ZBBX: variants seen among roughly 807,000 people sequenced by gnomAD.
The protein encoded by ZBBX is zinc finger B-box domain containing.
Under a neutral mutation model 108.5 loss-of-function variants are expected in ZBBX, and 101 were observed. The observed-to-expected ratio is 0.93, with a 90% CI of 0.79 to 1.10. ZBBX has a LOEUF of 1.10. Ranked by LOEUF, ZBBX falls within the 50% of genes least tolerant of loss-of-function variation. The probability of loss-of-function intolerance (pLI) is 0.00; values close to 1 mark genes in which losing one functional copy is unlikely to be tolerated. For synonymous variants in ZBBX, 356 were observed against 323.4 expected (o/e 1.10, Z -1.08); for missense variants, 1,009 against 941.4 (o/e 1.07, Z -0.94).
intron 20 of ZBBX, among the ~76,000 whole-genome samples, chr3:167,249,199 G>A (rs568887272): frequency 4.7e-4 from 71 of 151,850 alleles, no homozygotes; most frequent in African/African-American, 1.7e-3. Flanking sequence ...CCTCAGGAAG[G>A]AACCATTCAT....
intron 20 of ZBBX, among the ~76,000 whole-genome samples, chr3:167,271,698 C>A (rs73169140): frequency 1.2e-4 from 19 of 152,146 alleles, no homozygotes; most frequent in Non-Finnish European, 2.1e-4. Context: ...GTAAAAAAAA[C>A]CCAACAAACA....
At chr3:167,339,277 G>A (rs1740124872) in intron 9 of ZBBX, among the ~76,000 whole-genome samples, 1 of 152,084 alleles carries the variant, frequency 6.6e-6, no homozygotes, top group South Asian at 2.1e-4. Flanking sequence ...AGTTCTGACT[G>A]TTTTAGGGAC....
At chr3:167,352,203 T>A (rs1290400742) in intron 8 of ZBBX, among the ~76,000 whole-genome samples, 2 of 151,586 alleles carry the variant, frequency 1.3e-5, no homozygotes, top group African/African-American at 4.9e-5. Flanking sequence ...AATGAAAAAT[T>A]GGGTCTTTGA....
intron 8 of ZBBX, among the ~76,000 whole-genome samples, chr3:167,353,002 C>G (rs575494470): frequency 6.6e-6 from 1 of 152,230 alleles, no homozygotes; most frequent in South Asian, 2.1e-4. Flanking sequence ...AGACAACAAA[C>G]CCCAGCCAAC....
At chr3:167,377,882 C>G (rs904058335) in intron 2 of ZBBX, among the ~76,000 whole-genome samples, 1 of 152,020 alleles carries the variant, frequency 6.6e-6, no homozygotes, top group African/African-American at 2.4e-5. Context: ...CCCATAATTC[C>G]CACATGTGGT....
chr3:167,298,654 T>A (rs549017884), intron 17 of ZBBX, among the ~76,000 whole-genome samples, 196 bp from the exon 18 acceptor site: 3 of 152,136 alleles, frequency 2.0e-5, no homozygotes, highest in African/African-American at 7.2e-5. Flanking sequence ...TTACAGTAAT[T>A]CTCTGAAAGT....
chr3:167,384,819 C>T (rs1443354132), upstream of ZBBX, among the ~76,000 whole-genome samples: 2 of 151,998 alleles, frequency 1.3e-5, no homozygotes, highest in African/African-American at 4.8e-5. Flanking sequence ...ATCTATTCTT[C>T]TCAGTGTTCT....
intron 16 of ZBBX, among the ~76,000 whole-genome samples, chr3:167,311,964 C>G (rs1006829246): frequency 6.6e-6 from 1 of 152,020 alleles, no homozygotes; most frequent in Non-Finnish European, 1.5e-5. Flanking sequence ...AACTTAAGTC[C>G]CAATAAAAAC....
intron 20 of ZBBX, among the ~76,000 whole-genome samples, chr3:167,243,303 CT>C (rs923855499): frequency 6.6e-6 from 1 of 152,216 alleles, no homozygotes; most frequent in Admixed American, 6.5e-5. Context: ...ACAATGCCTT[CT>C]TTTTTCACTG....
chr3:167,381,038 T>C (rs1747679123), upstream of ZBBX, among the ~76,000 whole-genome samples: 1 of 152,158 alleles, frequency 6.6e-6, no homozygotes, highest in African/African-American at 2.4e-5. Context: ...TGGTTGGTAC[T>C]GCACTGTATA....
chr3:167,259,097 G>A (rs1724014930), intron 20 of ZBBX, among the ~76,000 whole-genome samples: 1 of 106,590 alleles, frequency 9.4e-6, no homozygotes, highest in Non-Finnish European at 2.0e-5. Flanking sequence ...GAATCCGTCT[G>A]GTCATGGACC....
intron 17 of ZBBX, among the ~76,000 whole-genome samples, chr3:167,300,875 C>G (rs1732536417): frequency 6.6e-6 from 1 of 150,638 alleles, no homozygotes; most frequent in Non-Finnish European, 1.5e-5. Context: ...CTCAGCCTCC[C>G]AAAGTGCTGG....
Position 167,321,171 on chromosome 3 carries a change from T to C in ZBBX, c.983+946A>G, listed in dbSNP as rs73879666. Among the ~76,000 whole-genome samples, 620 of 152,160 alleles carry C rather than the reference T, an allele frequency of 4.1e-3. 7 individuals are homozygous for C. Among genetic ancestry groups the C allele is most frequent in the African/African-American group, 0.013 (541 of 41,538 alleles). On this transcript the variant is annotated intron_variant, in intron 12 of 21. Transcript: ENST00000675490. Reference sequence around the variant, plus strand: ...CTATTTTGAAACCCATCTGTATATCTTCTTTTCAAAATAATCCAAAAGAAA... The same window carrying C: ...CTATTTTGAAACCCATCTGTATATCCTCTTTTCAAAATAATCCAAAAGAAA...
intron 12 of ZBBX, among the ~76,000 whole-genome samples, chr3:167,319,054 T>C (rs972485955): frequency 9.9e-5 from 15 of 152,082 alleles, no homozygotes; most frequent in Non-Finnish European, 1.9e-4. Context: ...CAGTTTCTTA[T>C]AAAAATAAAC....
At chr3:167,322,645 T>C in intron 11 of ZBBX, among the ~76,000 whole-genome samples, 1 of 152,108 alleles carries the variant, frequency 6.6e-6, no homozygotes, top group Middle Eastern at 3.2e-3. Context: ...TAATTCATAA[T>C]GACATCTGGA....
At chr3:167,325,952 G>A (rs1737305569) in intron 11 of ZBBX, among the ~76,000 whole-genome samples, 1 of 152,134 alleles carries the variant, frequency 6.6e-6, no homozygotes. Flanking sequence ...CTACCAGTGA[G>A]AGTACAACCA....
chr3:167,260,000 T>C (rs1724193726), intron 20 of ZBBX, among the ~76,000 whole-genome samples: 1 of 152,228 alleles, frequency 6.6e-6, no homozygotes, highest in East Asian at 1.9e-4. Flanking sequence ...TAGAGCTCTT[T>C]TTAGCAGTTC....
chr3:167,366,049 G>T, intron 5 of ZBBX, 73 bp from the exon 6 acceptor site: 2 of 1,174,628 alleles, frequency 1.7e-6, no homozygotes, highest in Non-Finnish European at 2.4e-6. Context: ...GAAATACAGT[G>T]TTCCTGTTTC....
At chr3:167,345,517 A>G (rs1367461943) in intron 9 of ZBBX, among the ~76,000 whole-genome samples, 1 of 151,862 alleles carries the variant, frequency 6.6e-6, no homozygotes, top group Non-Finnish European at 1.5e-5. Flanking sequence ...TTTTTTCAAA[A>G]TATTTACATA....
Sources: gnomAD v4.1 joint callset for allele counts (sites outside exome capture counted in the v4.1 genomes callset) on GRCh38, gnomAD v4.1.1 for gene constraint, MANE v1.5 for transcripts, NCBI Gene and HGNC (gene_info 2026-07-23, HGNC 2026-07-21) for gene names.